Variants in LRRTM4 observed in about 807,000 individuals in gnomAD.
LRRTM4 encodes the protein leucine rich repeat transmembrane neuronal 4, also known as leucine-rich repeat transmembrane neuronal protein 4.
A neutral mutation model predicts 47.6 loss-of-function variants in LRRTM4; 25 were observed. The observed-to-expected ratio is 0.53, with a 90% CI of 0.38 to 0.73. LRRTM4 has a LOEUF of 0.73. Among genes scored for constraint, LRRTM4 ranks in the 30% least tolerant of loss-of-function variants. The pLI is 0.00. For synonymous variants in LRRTM4, 311 were observed against 269.5 expected, an observed-to-expected ratio of 1.15 and a Z score of -1.51; for missense variants, 638 against 713.4, an observed-to-expected ratio of 0.89 and a Z score of 1.20.
intron 3 of LRRTM4, among the ~76,000 whole-genome samples, chr2:77,215,298 C>T (rs1180138275): frequency 6.6e-6 from 1 of 152,096 alleles, no homozygotes; most frequent in Non-Finnish European, 1.5e-5. Context: ...AGGGTAAAAG[C>T]AAGTCACACT....
chr2:77,478,887 TTTC>T (rs1364506498), intron 3 of LRRTM4, among the ~76,000 whole-genome samples: 3 of 152,204 alleles, frequency 2.0e-5, no homozygotes, highest in Non-Finnish European at 4.4e-5. Context: ...ATTCAGTTTT[TTTC>T]TTCTTCTTTC....
intron 3 of LRRTM4, among the ~76,000 whole-genome samples, chr2:77,309,122 G>C (rs1677374123): frequency 6.6e-6 from 1 of 152,098 alleles, no homozygotes; most frequent in African/African-American, 2.4e-5. Context: ...CAGAAATAGA[G>C]CAACTTTATG....
intron 3 of LRRTM4, among the ~76,000 whole-genome samples, chr2:76,912,243 T>C (rs950882612): frequency 5.9e-5 from 9 of 152,158 alleles, no homozygotes; most frequent in African/African-American, 1.4e-4. Context: ...AAATTAGATG[T>C]ATGAATATAA....
At chr2:76,897,057 A>G (rs748160226) in intron 3 of LRRTM4, among the ~76,000 whole-genome samples, 2 of 152,014 alleles carry the variant, frequency 1.3e-5, no homozygotes, top group South Asian at 2.1e-4. Context: ...CTCGTAGCTT[A>G]TTTAAATTTC....
chr2:77,074,264 G>A (rs1680260270), intron 3 of LRRTM4, among the ~76,000 whole-genome samples: 1 of 152,168 alleles, frequency 6.6e-6, no homozygotes, highest in Non-Finnish European at 1.5e-5. Context: ...AACAGTGTGA[G>A]TGTGAGGTTT....
chr2:76,937,910 G>A (rs763986339), intron 3 of LRRTM4, among the ~76,000 whole-genome samples: 7 of 152,006 alleles, frequency 4.6e-5, no homozygotes, highest in Non-Finnish European at 1.0e-4. Flanking sequence ...AATACCAATT[G>A]CATAGTATCC....
intron 3 of LRRTM4, among the ~76,000 whole-genome samples, chr2:77,023,107 A>C (rs775858107): frequency 6.6e-5 from 10 of 152,368 alleles, no homozygotes; most frequent in Non-Finnish European, 1.0e-4. Flanking sequence ...GTGTACCTGC[A>C]GGCTCAACAC....
chr2:76,945,711 AAAATATG>A lies in LRRTM4; in HGVS notation c.1552-196802_1552-196796del, dbSNP rs550666693. Among the ~76,000 whole-genome samples, 345 of 151,926 alleles carry A rather than the reference AAAATATG, an allele frequency of 2.3e-3. 4 individuals are homozygous for A. The highest frequency in any genetic ancestry group is 7.6e-3 in the African/African-American group (314 of 41,484). On this transcript the variant is annotated intron_variant, in intron 3 of 3. Coordinates refer to ENST00000409884, the MANE Select transcript of LRRTM4 (RefSeq NM_001134745.3). ...TCTAAGACGAAAACAATTTGGAGTA[AAAATATG>A]AAATATGTCAAGCATTCAGATTTTG...
intron 3 of LRRTM4, among the ~76,000 whole-genome samples, chr2:77,325,947 G>C (rs1670756693): frequency 6.6e-6 from 1 of 152,178 alleles, no homozygotes; most frequent in East Asian, 1.9e-4. Context: ...TAGCTTTGCT[G>C]TGCTTTTTTC....
intron 3 of LRRTM4, among the ~76,000 whole-genome samples, chr2:77,159,841 C>T (rs1672663110): frequency 6.6e-6 from 1 of 152,164 alleles, no homozygotes; most frequent in South Asian, 2.1e-4. Context: ...AACAATCCTT[C>T]TTCCACCATT....
intron 3 of LRRTM4, among the ~76,000 whole-genome samples, chr2:76,933,107 G>C (rs1558746699): frequency 6.6e-6 from 1 of 151,984 alleles, no homozygotes; most frequent in African/African-American, 2.4e-5. Flanking sequence ...GAACACAACA[G>C]CAAGTCAAGT....
At chr2:77,434,418 A>G (rs1213179153) in intron 3 of LRRTM4, among the ~76,000 whole-genome samples, 1 of 151,098 alleles carries the variant, frequency 6.6e-6, no homozygotes, top group Non-Finnish European at 1.5e-5. Flanking sequence ...TTTTGAAACA[A>G]AGGGAGAAAA....
At chr2:77,430,778 G>A (rs1215007984) in intron 3 of LRRTM4, among the ~76,000 whole-genome samples, 2 of 148,192 alleles carry the variant, frequency 1.3e-5, no homozygotes, top group Non-Finnish European at 2.9e-5. Flanking sequence ...TAGATAGCTG[G>A]CAAAGCATTG....
intron 3 of LRRTM4, among the ~76,000 whole-genome samples, chr2:77,336,179 G>A (rs1194495947): frequency 7.6e-6 from 1 of 132,168 alleles, no homozygotes; most frequent in Non-Finnish European, 1.6e-5. Flanking sequence ...AAGGAAGGAA[G>A]GAAGAAAGGA....
At chr2:77,318,196 C>T (rs188356551) in intron 3 of LRRTM4, among the ~76,000 whole-genome samples, 15 of 151,952 alleles carry the variant, frequency 9.9e-5, no homozygotes, top group African/African-American at 2.9e-4. Context: ...TTAGTAGAGA[C>T]GGGGTTTCAC....
chr2:76,758,153 G>A (rs1190869061), intron 3 of LRRTM4, among the ~76,000 whole-genome samples: 1 of 152,108 alleles, frequency 6.6e-6, no homozygotes, highest in Non-Finnish European at 1.5e-5. Flanking sequence ...GCCTGAGAAG[G>A]ATGCAACTGA....
intron 2 of LRRTM4, among the ~76,000 whole-genome samples, chr2:77,520,598 G>A (rs1679448386): frequency 6.6e-6 from 1 of 152,034 alleles, no homozygotes; most frequent in Admixed American, 6.6e-5. Flanking sequence ...CCAAAGTTAA[G>A]ACTATCAAAA....
intron 3 of LRRTM4, among the ~76,000 whole-genome samples, chr2:77,254,526 A>AT (rs1214086321): frequency 6.6e-6 from 1 of 151,946 alleles, no homozygotes; most frequent in Admixed American, 6.6e-5. Context: ...ATATGGGTAG[A>AT]TAAAATGGAT....
intron 3 of LRRTM4, among the ~76,000 whole-genome samples, chr2:77,506,019 T>C (rs1421375888): frequency 6.6e-6 from 1 of 151,600 alleles, no homozygotes; most frequent in Non-Finnish European, 1.5e-5. Flanking sequence ...ATTTCTTTTT[T>C]AGTAGACATG....
Sources: allele counts gnomAD v4.1 joint callset (sites outside exome capture counted in the v4.1 genomes callset), GRCh38; gene constraint gnomAD v4.1.1; transcripts MANE v1.5; gene names NCBI Gene and HGNC (gene_info 2026-07-23, HGNC 2026-07-21).